SLC30A7: variants seen among roughly 807,000 people sequenced by gnomAD.
The protein encoded by SLC30A7 is zinc transporter 7.
A neutral mutation model predicts 46.0 loss-of-function variants in SLC30A7; 35 were observed. That is an observed-to-expected ratio of 0.76 (90% CI 0.58 to 1.01). The LOEUF (loss-of-function observed/expected upper bound fraction) is 1.01, where lower values mean the gene tolerates loss of function less well. SLC30A7 is among the 50% of genes least tolerant of loss of function. The pLI, the probability that SLC30A7 is intolerant of heterozygous loss-of-function variation, is 0.00. For synonymous variants in SLC30A7, 147 were observed against 157.8 expected, an observed-to-expected ratio of 0.93 and a Z score of 0.51; for missense variants, 464 against 451.1, an observed-to-expected ratio of 1.03 and a Z score of -0.26.
chr1:100,981,690 A>G lies in SLC30A7; in HGVS notation c.*6833A>G, dbSNP rs1306687926. ...ATGTATATATTTTGTTAAACTTCAT[A>G]TGTATTTAAAAAGAATCATGAACTG... On this transcript the variant is annotated 3_prime_UTR_variant, in exon 11 of 11. Transcript: ENST00000357650. The G allele has an allele frequency of 6.6e-6, 1 of 152,198 alleles. No homozygotes were observed. The allele number at this position is 152,198 out of a possible 1,614,324, so 9.4% of individuals were successfully genotyped here.
intron 8 of SLC30A7, among the ~76,000 whole-genome samples, chr1:100,938,160 G>A (rs1351268089): frequency 1.3e-5 from 2 of 152,172 alleles, no homozygotes; most frequent in African/African-American, 4.8e-5. Flanking sequence ...ATTAGGAAGT[G>A]TGAGACCTGC....
intron 3 of SLC30A7, among the ~76,000 whole-genome samples, chr1:100,910,599 G>A (rs1221137911): frequency 6.6e-6 from 1 of 152,022 alleles, no homozygotes; most frequent in Admixed American, 6.5e-5. Context: ...CTTTCCAAAG[G>A]TTTGAAAGCT....
At chr1:100,938,107 A>C (rs1654082476) in intron 8 of SLC30A7, among the ~76,000 whole-genome samples, 1 of 152,138 alleles carries the variant, frequency 6.6e-6, no homozygotes, top group East Asian at 1.9e-4. Context: ...GTCTGTTTTT[A>C]TGTCAGTGCC....
chr1:100,980,956 A>G lies in SLC30A7; in HGVS notation c.*6099A>G, dbSNP rs1656895479. The G allele has an allele frequency of 6.6e-6, 1 of 152,136 alleles. No individual in the cohort carries two copies. Among genetic ancestry groups the G allele is most frequent in the African/African-American group, 2.4e-5 (1 of 41,456 alleles). The allele number at this position is 152,136 out of a possible 1,614,324, so 9.4% of individuals were successfully genotyped here. On this transcript the variant is annotated 3_prime_UTR_variant, in exon 11 of 11. Transcript: ENST00000357650. ...TTCTTGAAGGTGCTTTAAAGACATC[A>G]CTACATGTATTCAATTACTGATTTA...
chr1:100,960,417 A>G (rs923828718), intron 8 of SLC30A7, among the ~76,000 whole-genome samples: 6 of 152,160 alleles, frequency 3.9e-5, no homozygotes, highest in Admixed American at 2.0e-4. Context: ...TTAACCAACA[A>G]TTGGGCCCAC....
chr1:100,960,915 C>A (rs1446166749), intron 8 of SLC30A7, among the ~76,000 whole-genome samples: 2 of 151,164 alleles, frequency 1.3e-5, no homozygotes, highest in African/African-American at 4.9e-5. Context: ...ATTAGAGTCA[C>A]CCTCACCATT....
chr1:100,990,272 T>A, the SLC30A7 span: 2 of 756,994 alleles, frequency 2.6e-6, no homozygotes, highest in Non-Finnish European at 4.3e-6. Context: ...ACTGCCCCCA[T>A]GATTCAATTA....
rs1417975050 is a variant in SLC30A7, at chr1:100,975,496, T to C, written c.*639T>C. ...AAATGTATTTGCCAGCATAGAAATG[T>C]ACCATCAAGAGTCATGTATGTTTTA... On this transcript the variant is annotated 3_prime_UTR_variant, in exon 11 of 11. Coordinates refer to ENST00000357650, the MANE Select transcript of SLC30A7 (RefSeq NM_133496.5). 10 of 152,626 alleles carry C rather than the reference T, an allele frequency of 6.6e-5. No homozygotes were observed. The highest frequency in any genetic ancestry group is 6.5e-4 in the Admixed American group (10 of 15,268). The allele number at this position is 152,626 out of a possible 1,614,324, so 9.5% of individuals were successfully genotyped here. A position where few individuals can be genotyped will look rare whatever the true frequency, so the allele number is the denominator to read the frequency against.
chr1:100,950,001 C>T (rs974291454), intron 8 of SLC30A7, among the ~76,000 whole-genome samples: 1 of 152,208 alleles, frequency 6.6e-6, no homozygotes, highest in Non-Finnish European at 1.5e-5. Context: ...TGCTTCAGCT[C>T]GCTCTCTGCA....
chr1:100,991,944 C>T, the SLC30A7 span, among the ~76,000 whole-genome samples: 1 of 151,368 alleles, frequency 6.6e-6, no homozygotes, highest in Non-Finnish European at 1.5e-5. Flanking sequence ...CTGTCTCTAC[C>T]AAAAACACAC....
At chr1:100,995,257 C>A in the SLC30A7 span, 1 of 632,240 alleles carries the variant, frequency 1.6e-6, no homozygotes, top group South Asian at 1.9e-5. Context: ...ACACTCTTCC[C>A]TCACATTTTA....
chr1:100,985,500 C>T (rs1657211913), downstream of SLC30A7, among the ~76,000 whole-genome samples: 1 of 152,162 alleles, frequency 6.6e-6, no homozygotes, highest in African/African-American at 2.4e-5. Context: ...AGGAACCACA[C>T]CACCTGTTTT....
intron 8 of SLC30A7, among the ~76,000 whole-genome samples, chr1:100,932,007 G>T (rs1383496754): frequency 2.6e-5 from 4 of 152,152 alleles, no homozygotes. Context: ...AAGAAATGTT[G>T]TATGTTTCAT....
At chr1:100,911,864 A>T (rs945688867) in intron 4 of SLC30A7, among the ~76,000 whole-genome samples, 6 of 152,164 alleles carry the variant, frequency 3.9e-5, no homozygotes, top group Admixed American at 2.6e-4. Context: ...TCAAGATACC[A>T]CATAAGAACA....
At chr1:100,910,849 T>C (rs763105952) in intron 3 of SLC30A7, among the ~76,000 whole-genome samples, 34 of 152,272 alleles carry the variant, frequency 2.2e-4, no homozygotes, top group Non-Finnish European at 4.7e-4. Context: ...TAAAAATCTG[T>C]TTTGTGGCAT....
rs973875768 is a variant in SLC30A7, at chr1:100,978,186, G to A, written c.*3329G>A. 2.0e-5 allele frequency: 3 copies of A among 152,198 alleles called. No homozygotes were observed. The highest frequency in any genetic ancestry group is 6.5e-5 in the Admixed American group (1 of 15,288). The allele number at this position is 152,198 out of a possible 1,614,324, so 9.4% of individuals were successfully genotyped here. A position where few individuals can be genotyped will look rare whatever the true frequency, so the allele number is the denominator to read the frequency against. On this transcript the variant is annotated 3_prime_UTR_variant, in exon 11 of 11. Transcript: ENST00000357650. ...GTATCTAGTTTATCTGTAGGTCAGT[G>A]TTCCTTGTGCTGTCATTTCCCTTAT...
At chr1:100,934,117 C>T (rs1008060898) in intron 8 of SLC30A7, among the ~76,000 whole-genome samples, 2 of 152,148 alleles carry the variant, frequency 1.3e-5, no homozygotes, top group Non-Finnish European at 2.9e-5. Flanking sequence ...GATTGAGATT[C>T]AGCAGGCTTG....
At chr1:100,970,921 A>G (rs1350873960) in intron 10 of SLC30A7, among the ~76,000 whole-genome samples, 1 of 152,140 alleles carries the variant, frequency 6.6e-6, no homozygotes, top group Non-Finnish European at 1.5e-5. Context: ...TATTACCATT[A>G]TCAGTTCCAC....
chr1:100,922,286 TA>T (rs1242619759), intron 8 of SLC30A7, among the ~76,000 whole-genome samples: 1 of 152,194 alleles, frequency 6.6e-6, no homozygotes, highest in Non-Finnish European at 1.5e-5. Flanking sequence ...TTCATTTTTA[TA>T]TGTTTTCTGT....
Sources: gnomAD v4.1 joint callset for allele counts (sites outside exome capture counted in the v4.1 genomes callset) on GRCh38, gnomAD v4.1.1 for gene constraint, MANE v1.5 for transcripts, NCBI Gene and HGNC (gene_info 2026-07-23, HGNC 2026-07-21) for gene names.